Variants in BRWD1 observed in about 807,000 individuals in gnomAD.
BRWD1 encodes bromodomain and WD repeat-containing protein 1.
Under a neutral mutation model 251.2 loss-of-function variants are expected in BRWD1, and 82 were observed. The ratio of observed to expected loss-of-function variants is 0.33; its 90% confidence interval spans 0.27 to 0.39. BRWD1 has a LOEUF of 0.39. Ranked by LOEUF, BRWD1 falls within the 10% of genes least tolerant of loss-of-function variation. The pLI is 1.00. For missense variants in BRWD1, 2,233 were observed against 2,711.6 expected (o/e 0.82, Z 3.92); for synonymous variants, 918 against 902.8 (o/e 1.02, Z -0.30).
At chr21:39,309,824 CAAA>C (rs10709480) in intron 4 of BRWD1, among the ~76,000 whole-genome samples, 1,798 of 75,146 alleles carry the variant, frequency 0.024, 27 homozygotes, top group African/African-American at 0.095. Context: ...GACTCCGTCT[CAAA>C]AAAAAAAAAA....
intron 15 of BRWD1, among the ~76,000 whole-genome samples, chr21:39,265,697 A>T (rs1375100474): frequency 1.3e-5 from 2 of 152,236 alleles, no homozygotes; most frequent in Non-Finnish European, 2.9e-5. Context: ...AAGATTAACC[A>T]AATTTGGTAT....
At position 39,299,247 on chromosome 21, in the gene BRWD1, C is replaced by CA. The variant is rs34445556; in HGVS notation, c.199-666dup. 1.4e-4 allele frequency among the ~76,000 whole-genome samples: 16 copies of CA among 114,754 alleles called. No individual in the cohort carries two copies. The East Asian group carries it at 2.5e-3, about 18-fold the overall frequency. The allele number at this position is 114,754 out of a possible 152,430, so 75.3% of individuals were successfully genotyped here. On this transcript the variant is annotated intron_variant, in intron 4 of 40. Coordinates refer to ENST00000342449, the MANE Select transcript of BRWD1 (RefSeq NM_033656.4). Reference sequence around the variant, plus strand: ...ACATATTACGCTAACTCGCCTGTCTCAAAAAAAAAAAAATATATATATATG... The same window carrying CA: ...ACATATTACGCTAACTCGCCTGTCTCAAAAAAAAAAAAAATATATATATATG...
chr21:39,193,432 AG>A lies in BRWD1; in HGVS notation c.*2826del, dbSNP rs978799244. 2.3e-5 allele frequency: 23 copies of A among 984,838 alleles called. No individual in the cohort carries two copies. Among genetic ancestry groups the A allele is most frequent in the Non-Finnish European group, 2.8e-5 (23 of 829,528 alleles). 61.0% of individuals were successfully genotyped at this position (984,838 alleles called of 1,614,324 possible). A position where few individuals can be genotyped will look rare whatever the true frequency, so the allele number is the denominator to read the frequency against. On this transcript the variant is annotated 3_prime_UTR_variant, in exon 41 of 41. Coordinates refer to ENST00000342449, the MANE Select transcript of BRWD1 (RefSeq NM_033656.4). ...TTTTAAATAAGGAGGACACGAAAAAAGAAAGCTTTGTTAACACTCATCTATC... is the reference window on the plus strand; with the variant it reads ...TTTTAAATAAGGAGGACACGAAAAAAAAAGCTTTGTTAACACTCATCTATC...
intron 17 of BRWD1, among the ~76,000 whole-genome samples, chr21:39,264,035 A>G (rs1228040242): frequency 6.6e-6 from 1 of 152,228 alleles, no homozygotes; most frequent in African/African-American, 2.4e-5. Flanking sequence ...TGAAAGTCAA[A>G]AACTGACAAC....
Position 39,206,234 on chromosome 21 carries a change from T to A in BRWD1, c.4238A>T (p.Glu1413Val). 6.2e-7 allele frequency: 1 copy of A among 1,608,580 alleles called. No homozygotes were observed. Among genetic ancestry groups the A allele is most frequent in the South Asian group, 1.1e-5 (1 of 90,714 alleles). The change falls in exon 37 of 41, where the codon GAA (glutamate) becomes GTA (valine). Residue 1413 changes from glutamate (E) to valine (V), a missense_variant. By Grantham distance (121) the Glu-to-Val change is moderately radical. This residue lies in a region of BRWD1 where 69 missense variants were observed against 101.6 expected (regional missense o/e 0.68). Transcript: ENST00000342449. ...ATCAGAAGAGATTTTCTTCATTTTT[T>A]CTTCAAATAAGGCAGATAATCTCAA... is the stretch of plus-strand genomic sequence containing the variant. ...MTLRLSALFE[E>V]KMKKISSDFK...
chr21:39,195,251 A>G lies in BRWD1; in HGVS notation c.*1008T>C, dbSNP rs373902396. 4 of 1,021,458 alleles carry G rather than the reference A, an allele frequency of 3.9e-6. No individual in the cohort carries two copies. The highest frequency in any genetic ancestry group is 5.3e-5 in the Admixed American group (1 of 18,802). 63.3% of individuals were successfully genotyped at this position (1,021,458 alleles called of 1,614,324 possible). A position where few individuals can be genotyped will look rare whatever the true frequency, so the allele number is the denominator to read the frequency against. ...GACATTTAGCTATTTTCCTATATAG[A>G]TAAGATTTGCAATTGTACTCTTAAC... On this transcript the variant is annotated 3_prime_UTR_variant, in exon 41 of 41. Coordinates refer to ENST00000342449, the MANE Select transcript of BRWD1 (RefSeq NM_033656.4).
intron 4 of BRWD1, among the ~76,000 whole-genome samples, chr21:39,306,623 C>T (rs965667152): frequency 6.6e-6 from 1 of 151,964 alleles, no homozygotes; most frequent in Non-Finnish European, 1.5e-5. Context: ...CCAGAAGATC[C>T]TTATATTTAG....
intron 4 of BRWD1, among the ~76,000 whole-genome samples, chr21:39,308,810 A>G (rs28590100): frequency 0.096 from 14,688 of 152,252 alleles, 832 homozygotes; most frequent in East Asian, 0.14. Flanking sequence ...ATTCTACAGG[A>G]TAAATGATTT....
At chr21:39,296,064 A>T (rs2035953982) in intron 6 of BRWD1, among the ~76,000 whole-genome samples, 161 bp from the exon 7 acceptor site, 1 of 152,218 alleles carries the variant, frequency 6.6e-6, no homozygotes, top group African/African-American at 2.4e-5. Context: ...TCAGTAACAT[A>T]GACTTCTTAC....
In BRWD1 at chr21:39,194,849, GA is replaced by G. The variant is rs2031729067; in HGVS notation, c.*1409del. ...TCTGCCACTTCAAAGATACACAGGA[GA>G]AAAGGGTTAATTTTGTCTGAAATCA... On this transcript the variant is annotated 3_prime_UTR_variant, in exon 41 of 41. Coordinates refer to ENST00000342449, the MANE Select transcript of BRWD1 (RefSeq NM_033656.4). 2.0e-6 allele frequency: 3 copies of G among 1,533,476 alleles called. No individual in the cohort carries two copies. The highest frequency in any genetic ancestry group is 2.6e-6 in the Non-Finnish European group (3 of 1,144,932). 95.0% of individuals were successfully genotyped at this position (1,533,476 alleles called of 1,614,324 possible).
chr21:39,209,889 C>A, intron 36 of BRWD1, 106 bp downstream of exon 36: 1 of 1,080,840 alleles, frequency 9.3e-7, no homozygotes, highest in Non-Finnish European at 1.3e-6. Context: ...AATGTTCTAA[C>A]CTCTATTACA....
chr21:39,244,958 AAG>A (rs2034133900), intron 21 of BRWD1, among the ~76,000 whole-genome samples: 1 of 148,378 alleles, frequency 6.7e-6, no homozygotes, highest in African/African-American at 2.5e-5. Flanking sequence ...AGAAAAAGAA[AAG>A]AGAAAAAGGT....
chr21:39,225,261 C>A, intron 27 of BRWD1, 64 bp from the exon 28 acceptor site: 2 of 1,150,242 alleles, frequency 1.7e-6, no homozygotes, highest in East Asian at 2.4e-5. Flanking sequence ...TTTTTTTAAT[C>A]TACAAAATAC....
At chr21:39,210,970 G>T (rs984218484) in intron 34 of BRWD1, 41 bp from the exon 35 acceptor site, 9 of 1,561,374 alleles carry the variant, frequency 5.8e-6, no homozygotes, top group Non-Finnish European at 7.8e-6. Context: ...TCACACTATT[G>T]GTGTAAGACT....
intron 21 of BRWD1, among the ~76,000 whole-genome samples, chr21:39,240,363 A>G (rs1161687861): frequency 6.6e-6 from 1 of 152,226 alleles, no homozygotes; most frequent in African/African-American, 2.4e-5. Flanking sequence ...GCATGGTAGC[A>G]CATGCCTGTA....
In BRWD1 at chr21:39,194,854, G is replaced by C. The variant is rs1260555160; in HGVS notation, c.*1405C>G. On this transcript the variant is annotated 3_prime_UTR_variant, in exon 41 of 41. Coordinates refer to ENST00000342449, the MANE Select transcript of BRWD1 (RefSeq NM_033656.4). The stretch of plus-strand genomic sequence containing the variant: ...CACTTCAAAGATACACAGGAGAAAA[G>C]GGTTAATTTTGTCTGAAATCAAACA... The C allele has an allele frequency of 9.8e-6, 15 of 1,533,012 alleles. No individual in the cohort carries two copies. The highest frequency in any genetic ancestry group is 5.9e-5 in the Admixed American group (3 of 50,870). The allele number at this position is 1,533,012 out of a possible 1,614,324, so 95.0% of individuals were successfully genotyped here.
intron 21 of BRWD1, 33 bp downstream of exon 21, chr21:39,247,668 T>A (rs373123778): frequency 6.4e-7 from 1 of 1,570,010 alleles, no homozygotes; most frequent in African/African-American, 1.4e-5. Context: ...TCATTTAAGA[T>A]TATCTTATAA....
intron 7 of BRWD1, 102 bp downstream of exon 7, chr21:39,295,641 A>G: frequency 1.0e-6 from 1 of 989,836 alleles, no homozygotes; most frequent in Non-Finnish European, 1.4e-6. Context: ...CTGAGTCAAA[A>G]TCTCTGAGGA....
At chr21:39,269,853 A>G (rs371056427) in intron 15 of BRWD1, 46 bp downstream of exon 15, 2 of 1,399,074 alleles carry the variant, frequency 1.4e-6, no homozygotes, top group African/African-American at 2.9e-5. Flanking sequence ...CAAATACTCT[A>G]AACAAATTAT....
Sources: gnomAD v4.1 joint callset for allele counts (sites outside exome capture counted in the v4.1 genomes callset) on GRCh38, gnomAD v4.1.1 for gene constraint, gnomAD v4.1.1 regional missense constraint, MANE v1.5 for transcripts, NCBI Gene and HGNC (gene_info 2026-07-23, HGNC 2026-07-21) for gene names.